MAPK4: variants seen among roughly 807,000 people sequenced by gnomAD.
The protein encoded by MAPK4 is mitogen-activated protein kinase 4, also known as Erk3-related.
MAPK4 carries 22 observed loss-of-function variants against 47.7 expected under a neutral mutation model. The observed-to-expected ratio is 0.46, with a 90% CI of 0.33 to 0.66. The LOEUF (loss-of-function observed/expected upper bound fraction) is 0.66. Among genes scored for constraint, MAPK4 ranks in the 30% least tolerant of loss-of-function variants. The probability of loss-of-function intolerance (pLI) is 0.02; values close to 1 mark genes in which losing one functional copy is unlikely to be tolerated. For missense variants in MAPK4, 736 were observed against 831.7 expected (o/e 0.88, Z 1.42); for synonymous variants, 390 against 365.7 (o/e 1.07, Z -0.76).
At position 50,692,229 on chromosome 18, in the gene MAPK4, G is replaced by A. The variant is rs74904430; in HGVS notation, c.547-22850G>A. Among the ~76,000 whole-genome samples the A allele has an allele frequency of 4.9e-3, 744 of 152,322 alleles. 6 individuals carry two copies. The highest frequency in any genetic ancestry group is 0.017 in the African/African-American group (708 of 41,574). ...CACACTGCCTCACTGTTGTTAGCCT[G>A]TAGCCCAGGTCCTGGGCATTCTCAC... On this transcript the variant is annotated intron_variant, in intron 2 of 5. Transcript: ENST00000400384.
chr18:50,622,521 G>T (rs1348566813), intron 1 of MAPK4, among the ~76,000 whole-genome samples: 1 of 152,190 alleles, frequency 6.6e-6, no homozygotes. Flanking sequence ...TCCTTGGAGG[G>T]GGCTGCCACT....
chr18:50,625,763 T>A lies in MAPK4; in HGVS notation c.-870-37326T>A, dbSNP rs575274178. Among the ~76,000 whole-genome samples the A allele has an allele frequency of 2.6e-5, 4 of 152,100 alleles. No individual in the cohort carries two copies. In the South Asian group the frequency reaches 8.3e-4, roughly 32 times the overall value. On this transcript the variant is annotated intron_variant, in intron 1 of 5. Coordinates refer to ENST00000400384, the MANE Select transcript of MAPK4 (RefSeq NM_002747.4). ...ATAGAAAGAAGAGATAGAAAATAGCTAGAGCCCCTCCCAGGTCTCTGGAAG... is the reference window on the plus strand; with the variant it reads ...ATAGAAAGAAGAGATAGAAAATAGCAAGAGCCCCTCCCAGGTCTCTGGAAG...
intron 2 of MAPK4, among the ~76,000 whole-genome samples, chr18:50,709,591 TC>T (rs1910242525): frequency 6.6e-6 from 1 of 152,220 alleles, no homozygotes; most frequent in Non-Finnish European, 1.5e-5. Context: ...ATTGGAGGAC[TC>T]CAAGTCGGCA....
chr18:50,642,179 A>G (rs2042946642), intron 1 of MAPK4, among the ~76,000 whole-genome samples: 1 of 152,186 alleles, frequency 6.6e-6, no homozygotes, highest in South Asian at 2.1e-4. Flanking sequence ...CCCTAAATGA[A>G]TTCTAATTAA....
In MAPK4 at chr18:50,731,793, G is replaced by A. The variant is rs1271957834; in HGVS notation, c.*1939G>A. On this transcript the variant is annotated 3_prime_UTR_variant, in exon 6 of 6. Coordinates refer to ENST00000400384, the MANE Select transcript of MAPK4 (RefSeq NM_002747.4). ...TATTAAACATTATTAAACTTGATCA[G>A]GTCAGGCCAAATAAAGTTTTATTGG... The A allele has an allele frequency of 6.6e-6, 1 of 152,098 alleles. No individual in the cohort carries two copies. The highest frequency in any genetic ancestry group is 1.5e-5 in the Non-Finnish European group (1 of 68,032). 9.4% of individuals were successfully genotyped at this position (152,098 alleles called of 1,614,324 possible). A position where few individuals can be genotyped will look rare whatever the true frequency, so the allele number is the denominator to read the frequency against.
intron 2 of MAPK4, among the ~76,000 whole-genome samples, chr18:50,691,235 C>G (rs954166869): frequency 6.6e-6 from 1 of 152,108 alleles, no homozygotes; most frequent in African/African-American, 2.4e-5. Context: ...TGCAAGCAAT[C>G]CGCCCGCCTT....
chr18:50,698,119 A>G (rs1343542274), intron 2 of MAPK4, among the ~76,000 whole-genome samples: 2 of 152,200 alleles, frequency 1.3e-5, no homozygotes, highest in African/African-American at 4.8e-5. Flanking sequence ...CCCTGCCCCA[A>G]ATACTTCTAT....
At chr18:50,714,965 A>G in intron 2 of MAPK4, 114 bp from the exon 3 acceptor site, 2 of 1,048,746 alleles carry the variant, frequency 1.9e-6, no homozygotes, top group Non-Finnish European at 2.8e-6. Flanking sequence ...AAGGGGCAAG[A>G]ATGAAAGGGA....
At chr18:50,594,687 T>C (rs948896849) in intron 1 of MAPK4, among the ~76,000 whole-genome samples, 1 of 152,274 alleles carries the variant, frequency 6.6e-6, no homozygotes, top group Admixed American at 6.5e-5. Context: ...GATTAGAGAT[T>C]AGGGTACAAA....
At chr18:50,589,633 C>T (rs1403459570) in intron 1 of MAPK4, among the ~76,000 whole-genome samples, 1 of 151,936 alleles carries the variant, frequency 6.6e-6, no homozygotes, top group Admixed American at 6.6e-5. Context: ...AATGCATGAC[C>T]GTGGTGTATC....
intron 2 of MAPK4, among the ~76,000 whole-genome samples, chr18:50,672,418 A>C (rs932073884): frequency 3.9e-5 from 6 of 152,230 alleles, no homozygotes; most frequent in African/African-American, 1.4e-4. Context: ...AAATATGATC[A>C]AGGGGATTAG....
chr18:50,721,260 C>T (rs895789513), intron 3 of MAPK4, among the ~76,000 whole-genome samples: 7 of 152,170 alleles, frequency 4.6e-5, no homozygotes, highest in East Asian at 3.9e-4. Context: ...TATGCCTCAC[C>T]GATTCCCAGC....
intron 1 of MAPK4, among the ~76,000 whole-genome samples, chr18:50,614,219 G>A (rs2042664244): frequency 6.6e-6 from 1 of 151,894 alleles, no homozygotes; most frequent in African/African-American, 2.4e-5. Context: ...CTTAATTAAT[G>A]TTGCTTTATA....
intron 2 of MAPK4, among the ~76,000 whole-genome samples, chr18:50,690,003 G>A (rs1228518578): frequency 2.0e-5 from 3 of 152,108 alleles, no homozygotes; most frequent in Admixed American, 2.0e-4. Flanking sequence ...GGGTCCTAGA[G>A]GTCTCATATC....
intron 2 of MAPK4, among the ~76,000 whole-genome samples, chr18:50,713,290 C>T (rs955869121): frequency 6.6e-6 from 1 of 152,176 alleles, no homozygotes; most frequent in African/African-American, 2.4e-5. Flanking sequence ...CAATTAAACT[C>T]TTATAAAAAT....
At chr18:50,684,644 G>C (rs1173803367) in intron 2 of MAPK4, among the ~76,000 whole-genome samples, 5 of 152,144 alleles carry the variant, frequency 3.3e-5, no homozygotes, top group Non-Finnish European at 7.4e-5. Flanking sequence ...CATCACAGTG[G>C]GCTGTGGCTT....
intron 2 of MAPK4, among the ~76,000 whole-genome samples, chr18:50,679,314 C>T (rs1908449666): frequency 6.6e-6 from 1 of 152,200 alleles, no homozygotes; most frequent in Non-Finnish European, 1.5e-5. Flanking sequence ...GCTGCCCTTC[C>T]AAGCCTGACT....
At chr18:50,662,415 A>G (rs1284244298) in intron 1 of MAPK4, among the ~76,000 whole-genome samples, 2 of 152,310 alleles carry the variant, frequency 1.3e-5, no homozygotes, top group African/African-American at 4.8e-5. Context: ...GCGAGGTCAC[A>G]TTGTCAAAAA....
At chr18:50,647,621 C>T (rs2043002245) in intron 1 of MAPK4, among the ~76,000 whole-genome samples, 4 of 152,128 alleles carry the variant, frequency 2.6e-5, no homozygotes, top group Admixed American at 2.6e-4. Flanking sequence ...TTCTCCACTC[C>T]CAGCTTCTTT....
Sources: gnomAD v4.1 joint callset for allele counts (sites outside exome capture counted in the v4.1 genomes callset) on GRCh38, gnomAD v4.1.1 for gene constraint, MANE v1.5 for transcripts, NCBI Gene and HGNC (gene_info 2026-07-23, HGNC 2026-07-21) for gene names.